CYP2F1: variants seen among roughly 807,000 people sequenced by gnomAD.
CYP2F1 encodes cytochrome P450 2F1.
CYP2F1 carries 33 observed loss-of-function variants against 40.4 expected under a neutral mutation model. That is an observed-to-expected ratio of 0.82 (90% CI 0.62 to 1.09). CYP2F1 has a LOEUF of 1.09. Among genes scored for constraint, CYP2F1 ranks in the 50% least tolerant of loss-of-function variants. The probability of loss-of-function intolerance (pLI) is 0.00; values close to 1 mark genes in which losing one functional copy is unlikely to be tolerated. For missense variants in CYP2F1, 566 were observed against 655.7 expected, an observed-to-expected ratio of 0.86 and a Z score of 1.49; for synonymous variants, 235 against 277.2, an observed-to-expected ratio of 0.85 and a Z score of 1.51.
In CYP2F1 at chr19:41,116,467, T is replaced by C; in HGVS notation, c.184T>C (p.Tyr62His). 1 of 1,611,678 alleles carries C rather than the reference T, an allele frequency of 6.2e-7. No homozygotes were observed. ...LTSLTKLSKE[Y>H]GSMYTVHLGP... ...TTCCTACCCTCAGCTGAGCAAGGAG[T>C]ATGGCTCCATGTACACAGTGCACCT... Residue 62 changes from tyrosine to histidine, a missense_variant, in exon 3 of 10, where the codon TAT (tyrosine) becomes CAT (histidine). Around this residue, in one of 5 missense-constraint regions of CYP2F1, gnomAD observed 264 missense variants for 275.7 expected, o/e 0.96. Coordinates refer to ENST00000331105, the MANE Select transcript of CYP2F1 (RefSeq NM_000774.5).
intron 7 of CYP2F1, among the ~76,000 whole-genome samples, chr19:41,124,472 C>T (rs2032428807): frequency 6.6e-6 from 1 of 151,956 alleles, no homozygotes; most frequent in South Asian, 2.1e-4. Flanking sequence ...ACCATGTTGC[C>T]CAGATGGTCT....
At position 41,122,096 on chromosome 19, in the gene CYP2F1, G is replaced by A. The variant is rs200744662; in HGVS notation, c.785G>A (p.Arg262Gln). 5,699 of 1,529,810 alleles carry A rather than the reference G, an allele frequency of 3.7e-3. 75 individuals carry two copies. Among genetic ancestry groups the A allele is most frequent in the South Asian group, 0.013 (1,162 of 86,924 alleles). 94.8% of individuals were successfully genotyped at this position (1,529,810 alleles called of 1,614,324 possible). A position where few individuals can be genotyped will look rare whatever the true frequency, so the allele number is the denominator to read the frequency against. Residue 262 changes from arginine (R) to glutamine (Q), a missense_variant, in exon 6 of 10, where the codon CGG (arginine) becomes CAG (glutamine). By Grantham distance (43) the Arg-to-Gln change is conservative (BLOSUM62 1). This residue lies in a region of CYP2F1 where 62 missense variants were observed against 105.6 expected (regional missense o/e 0.59). Transcript: ENST00000331105. ...GCCTCGCTAGACCCCAGATCTCCCC[G>A]GGACTTCATCCAGTGCTTCCTCACC... ...HQASLDPRSP[R>Q]DFIQCFLTKM...
rs981912448 is a variant in CYP2F1 at position 41,116,315 on chromosome 19, C to T, written c.127C>T (p.Leu43=). The T allele has an allele frequency of 1.9e-6, 3 of 1,613,822 alleles. No individual in the cohort carries two copies. The highest frequency in any genetic ancestry group is 8.5e-7 in the Non-Finnish European group (1 of 1,179,846). Residue 43 remains leucine (L), a synonymous_variant, in exon 2 of 10, where the codon CTG becomes TTG. Coordinates refer to ENST00000331105, the MANE Select transcript of CYP2F1 (RefSeq NM_000774.5). The part of the protein sequence containing the change: ...GPRPLSILGN[L]LLLCSQDMLT... ...CAGACCCCTCTCAATCCTGGGAAACCTGCTGCTGCTTTGCTCCCAAGACAT... is the reference window on the plus strand; with the variant it reads ...CAGACCCCTCTCAATCCTGGGAAACTTGCTGCTGCTTTGCTCCCAAGACAT...
intron 9 of CYP2F1, chr19:41,125,912 C>T (rs1204851868): frequency 2.3e-5 from 11 of 487,882 alleles, no homozygotes; most frequent in African/African-American, 1.2e-4. Flanking sequence ...GTGGGTGGAT[C>T]GCCTGAGGTC....
At chr19:41,116,060 C>T (rs1397294488) in intron 1 of CYP2F1, 118 bp from the exon 2 acceptor site, 3 of 952,356 alleles carry the variant, frequency 3.2e-6, no homozygotes, top group Non-Finnish European at 4.6e-6. Context: ...TGGCCTCTCC[C>T]TGTCTCCTTC....
At chr19:41,119,723 C>CTCTCTCTCTCTCTCTCTATA (rs1478574507) in intron 3 of CYP2F1, among the ~76,000 whole-genome samples, 4 of 35,800 alleles carry the variant, frequency 1.1e-4, no homozygotes, top group Non-Finnish European at 1.6e-4. Flanking sequence ...CTCTCTCTCT[C>CTCTCTCTCTCTCTCTCTATA]TATATATATA....
intron 3 of CYP2F1, among the ~76,000 whole-genome samples, chr19:41,120,052 C>T (rs2032095888): frequency 6.6e-6 from 1 of 152,014 alleles, no homozygotes; most frequent in African/African-American, 2.4e-5. Flanking sequence ...CCCACTCTGC[C>T]TTCACAGTTC....
At chr19:41,120,625 G>T in intron 4 of CYP2F1, 129 bp downstream of exon 4, 2 of 1,022,612 alleles carry the variant, frequency 2.0e-6, no homozygotes, top group South Asian at 1.4e-5. Flanking sequence ...GGTACTTCAG[G>T]TGTGCTCCAC....
chr19:41,125,219 AC>A, intron 8 of CYP2F1: 1 of 601,678 alleles, frequency 1.7e-6, no homozygotes, highest in Non-Finnish European at 2.9e-6. Context: ...ATTCTCAGGG[AC>A]CCCTCCTTTT....
At chr19:41,124,607 G>C (rs891799573) in intron 7 of CYP2F1, 112 bp from the exon 8 acceptor site, 6 of 1,018,142 alleles carry the variant, frequency 5.9e-6, no homozygotes, top group Non-Finnish European at 1.4e-6. Flanking sequence ...GGCGCCCCGC[G>C]CTGGGAGACT....
Position 41,120,418 on chromosome 19 carries a change from G to A in CYP2F1, c.406G>A (p.Gly136Arg), listed in dbSNP as rs1451821275. ...QFSIQILRNF[G>R]MGKRSIEERI... ...CTCTATCCAGATTCTACGGAATTTC[G>A]GGATGGGGAAGAGAAGCATTGAGGA... is the stretch of plus-strand genomic sequence containing the variant. Residue 136 changes from glycine to arginine, a missense_variant, in exon 4 of 10, where the codon GGG becomes AGG. Gly to Arg is a moderately radical substitution (Grantham distance 125). This residue lies in a region of CYP2F1 where 264 missense variants were observed against 275.7 expected (regional missense o/e 0.96). Coordinates refer to ENST00000331105, the MANE Select transcript of CYP2F1 (RefSeq NM_000774.5). 11 of 1,613,928 alleles carry A rather than the reference G, an allele frequency of 6.8e-6. No individual in the cohort carries two copies. Among genetic ancestry groups the A allele is most frequent in the South Asian group, 1.1e-5 (1 of 91,068 alleles).
intron 6 of CYP2F1, 39 bp from the exon 7 acceptor site, chr19:41,122,783 C>T: frequency 2.0e-6 from 3 of 1,512,692 alleles, no homozygotes; most frequent in Non-Finnish European, 2.7e-6. Context: ...GAAGGGGCCT[C>T]CATTCCTGGC....
At chr19:41,120,829 T>C (rs1407728819) in intron 4 of CYP2F1, among the ~76,000 whole-genome samples, 2 of 151,766 alleles carry the variant, frequency 1.3e-5, no homozygotes, top group Admixed American at 1.3e-4. Flanking sequence ...CATTCTACTT[T>C]TTTTTTTTTG....
chr19:41,117,783 C>A (rs147559767), intron 3 of CYP2F1, among the ~76,000 whole-genome samples: 381 of 152,302 alleles, frequency 2.5e-3, no homozygotes, highest in Non-Finnish European at 4.4e-3. Context: ...ATGTCAATAT[C>A]TTGTCCCTCT....
Position 41,116,435 on chromosome 19 carries a change from TTCTG to T in CYP2F1, c.172-16_172-13del, listed in dbSNP as rs1256525342. On this transcript the variant is annotated splice_polypyrimidine_tract_variant and intron_variant, in intron 2 of 9. Coordinates refer to ENST00000331105, the MANE Select transcript of CYP2F1 (RefSeq NM_000774.5). ...CCATGGCCACAGGCCCCCCTGTAAC[TTCTG>T]TCTTCCTACCCTCAGCTGAGCAAGG... 1 of 1,607,712 alleles carries T rather than the reference TTCTG, an allele frequency of 6.2e-7. No individual in the cohort carries two copies. The highest frequency in any genetic ancestry group is 1.3e-5 in the African/African-American group (1 of 74,584).
intron 3 of CYP2F1, among the ~76,000 whole-genome samples, chr19:41,118,172 C>A (rs1459427584): frequency 1.3e-5 from 2 of 151,788 alleles, no homozygotes; most frequent in African/African-American, 2.4e-5. Context: ...AAAGACAAAT[C>A]TCTGTTCAAA....
intron 1 of CYP2F1, among the ~76,000 whole-genome samples, chr19:41,114,770 TTCTC>T (rs201163201): frequency 0.016 from 2,109 of 134,680 alleles, 55 homozygotes; most frequent in African/African-American, 0.05. Flanking sequence ...CTCCGTCTCT[TTCTC>T]TCTCTCTCTC....
Position 41,128,144 on chromosome 19 carries a change from C to T in CYP2F1, c.*62C>T, listed in dbSNP as rs1311840757. 1 of 1,510,440 alleles carries T rather than the reference C, an allele frequency of 6.6e-7. No individual in the cohort carries two copies. Among genetic ancestry groups the T allele is most frequent in the African/African-American group, 1.5e-5 (1 of 66,018 alleles). The allele number at this position is 1,510,440 out of a possible 1,614,324, so 93.6% of individuals were successfully genotyped here. ...GGCCCGCCCATGCGGGTTGCTACGT[C>T]CCCTTCTTGGTCCACAGTCTGCCCT... On this transcript the variant is annotated 3_prime_UTR_variant, in exon 10 of 10. Transcript: ENST00000331105.
At chr19:41,126,439 A>G (rs898984385) in intron 9 of CYP2F1, among the ~76,000 whole-genome samples, 1 of 151,066 alleles carries the variant, frequency 6.6e-6, no homozygotes, top group Non-Finnish European at 1.5e-5. Context: ...AAATGAATAA[A>G]TAATAATTAT....
Sources: gnomAD v4.1 joint callset for allele counts (sites outside exome capture counted in the v4.1 genomes callset) on GRCh38, gnomAD v4.1.1 for gene constraint, gnomAD v4.1.1 regional missense constraint, MANE v1.5 for transcripts, NCBI Gene and HGNC (gene_info 2026-07-23, HGNC 2026-07-21) for gene names.